The following CDC14B variants were observed in gnomAD, a reference collection of about 807,000 sequenced individuals.
CDC14B encodes cell division cycle 14B.
CDC14B carries 22 observed loss-of-function variants against 64.2 expected under a neutral mutation model. That is an observed-to-expected ratio of 0.34 (90% confidence interval 0.24 to 0.49). The LOEUF is 0.49. Among genes scored for constraint, CDC14B ranks in the 20% least tolerant of loss-of-function variants. The pLI, the probability that CDC14B is intolerant of heterozygous loss-of-function variation, is 0.99. For synonymous variants in CDC14B, 191 were observed against 215.8 expected, an observed-to-expected ratio of 0.89 and a Z score of 1.01; for missense variants, 498 against 629.9, an observed-to-expected ratio of 0.79 and a Z score of 2.24.
chr9:96,540,361 G>A (rs1030073649), intron 6 of CDC14B, among the ~76,000 whole-genome samples: 16 of 152,152 alleles, frequency 1.1e-4, no homozygotes, highest in African/African-American at 2.9e-4. Context: ...GGCTGGGTGC[G>A]GTGGTGCACG....
At chr9:96,592,617 T>C (rs986466199) in intron 1 of CDC14B, among the ~76,000 whole-genome samples, 2 of 151,870 alleles carry the variant, frequency 1.3e-5, no homozygotes, top group Non-Finnish European at 2.9e-5. Context: ...CTACTAAAAA[T>C]AGAAAAATTA....
chr9:96,566,742 G>A lies in CDC14B; in HGVS notation c.161-1259C>T, dbSNP rs755181201. The A allele has an allele frequency of 7.5e-6, 12 of 1,596,988 alleles. No individual in the cohort carries two copies. In the African/African-American group the frequency reaches 9.4e-5, roughly 13 times the overall value. The stretch of plus-strand genomic sequence containing the variant: ...CCAGCGCGGGTGCCGGAGCCCCCAG[G>A]GGAAGCCCCCGCCCTCCCGGCTCAC... On this transcript the variant is annotated intron_variant, in intron 1 of 13. Coordinates refer to ENST00000375241, the MANE Select transcript of CDC14B (RefSeq NM_033331.4).
chr9:96,574,697 C>CAAAAAAAAAAAAAAAAAAAAAA lies in CDC14B; in HGVS notation c.161-9236_161-9215dup, dbSNP rs57056796. 1.0e-4 allele frequency among the ~76,000 whole-genome samples: 5 copies of CAAAAAAAAAAAAAAAAAAAAAA among 49,962 alleles called. 1 individual carries two copies. Among genetic ancestry groups the CAAAAAAAAAAAAAAAAAAAAAA allele is most frequent in the African/African-American group, 3.4e-4 (4 of 11,930 alleles). The allele number at this position is 49,962 out of a possible 152,430, so 32.8% of individuals were successfully genotyped here. A position where few individuals can be genotyped will look rare whatever the true frequency, so the allele number is the denominator to read the frequency against. ...GCAACAAGAGCGAAACTCGGTCTCA[C>CAAAAAAAAAAAAAAAAAAAAAA]AAAAAAAAAAAAAAAAAAAAAAGAT... On this transcript the variant is annotated intron_variant, in intron 1 of 13. Transcript: ENST00000375241.
At chr9:96,523,532 T>A in intron 10 of CDC14B, 55 bp downstream of exon 10, 1 of 1,609,264 alleles carries the variant, frequency 6.2e-7, no homozygotes, top group Non-Finnish European at 8.5e-7. Context: ...CCACTCCCCA[T>A]CAGATTCCAA....
Position 96,500,228 on chromosome 9 carries a change from T to C in CDC14B, c.*3525A>G, listed in dbSNP as rs1170432602. 4 of 152,668 alleles carry C rather than the reference T, an allele frequency of 2.6e-5. No homozygotes were observed. The highest frequency in any genetic ancestry group is 9.6e-5 in the African/African-American group (4 of 41,454). The allele number at this position is 152,668 out of a possible 1,614,324, so 9.5% of individuals were successfully genotyped here. A position where few individuals can be genotyped will look rare whatever the true frequency, so the allele number is the denominator to read the frequency against. Reference sequence around the variant, plus strand: ...TCAAATGTGACAATATGTATCAAACTACATACATATGCAAAGTTTACACGC... The same window carrying C: ...TCAAATGTGACAATATGTATCAAACCACATACATATGCAAAGTTTACACGC... On this transcript the variant is annotated 3_prime_UTR_variant, in exon 14 of 14. Transcript: ENST00000375241.
At chr9:96,576,534 G>A (rs1305675661) in intron 1 of CDC14B, among the ~76,000 whole-genome samples, 2 of 149,636 alleles carry the variant, frequency 1.3e-5, no homozygotes, top group Non-Finnish European at 3.0e-5. Flanking sequence ...TCAGGAAGCT[G>A]AGGCAGGAGA....
chr9:96,590,252 C>T (rs1173545269), intron 1 of CDC14B, among the ~76,000 whole-genome samples: 1 of 152,166 alleles, frequency 6.6e-6, no homozygotes, highest in East Asian at 1.9e-4. Context: ...TTTGTCTTTT[C>T]GTGACAAGCT....
rs1198651656 is a variant in CDC14B, at chr9:96,513,948, G to A, written c.1344-4159C>T. On this transcript the variant is annotated intron_variant, in intron 12 of 13. Transcript: ENST00000375241. ...AGGTGGGTGGTGATGACAGAGGATG[G>A]TGGAGCTCAGGAGTCACCACCTTAC... is the stretch of plus-strand genomic sequence containing the variant. 2.0e-5 allele frequency among the ~76,000 whole-genome samples: 3 copies of A among 152,224 alleles called. No individual in the cohort carries two copies. The East Asian group carries it at 5.8e-4, about 29-fold the overall frequency.
intron 1 of CDC14B, among the ~76,000 whole-genome samples, chr9:96,590,869 G>A (rs1363242382): frequency 6.6e-6 from 1 of 152,040 alleles, no homozygotes; most frequent in Non-Finnish European, 1.5e-5. Context: ...CTCTGGCTGT[G>A]GAGCAGTTTT....
chr9:96,612,874 C>T (rs185091005), intron 1 of CDC14B, among the ~76,000 whole-genome samples: 38 of 152,224 alleles, frequency 2.5e-4, no homozygotes, highest in African/African-American at 8.4e-4. Context: ...ATAAAATATC[C>T]GGAAAACTGG....
intron 1 of CDC14B, 92 bp downstream of exon 1, chr9:96,619,127 G>C (rs976260952): frequency 3.3e-5 from 35 of 1,065,564 alleles, no homozygotes; most frequent in Non-Finnish European, 4.1e-5. Context: ...GCCCGGCCCC[G>C]GAGGCCCCGG....
chr9:96,524,905 A>T (rs1022349424), intron 9 of CDC14B, among the ~76,000 whole-genome samples: 1 of 152,194 alleles, frequency 6.6e-6, no homozygotes, highest in African/African-American at 2.4e-5. Context: ...ACAGATTTGG[A>T]TCATGAGATA....
Position 96,551,809 on chromosome 9 carries a change from AG to A in CDC14B, c.483del (p.Tyr162IlefsTer25). ...AYRILIFGET[S>X]YIPFRDAAYG... ...TCTTATATTTACCTGAAAGGAATAT[AG>A]GATGTCTCTCCAAAGATTAATATTC... On this transcript the variant is annotated frameshift_variant, in exon 5 of 14. Coordinates refer to ENST00000375241, the MANE Select transcript of CDC14B (RefSeq NM_033331.4). The A allele has an allele frequency of 6.2e-7, 1 of 1,610,852 alleles. No homozygotes were observed. Among genetic ancestry groups the A allele is most frequent in the Non-Finnish European group, 8.5e-7 (1 of 1,178,060 alleles).
At position 96,568,646 on chromosome 9, in the gene CDC14B, C is replaced by A. The variant is rs541427973; in HGVS notation, c.161-3163G>T. On this transcript the variant is annotated intron_variant, in intron 1 of 13. Coordinates refer to ENST00000375241, the MANE Select transcript of CDC14B (RefSeq NM_033331.4). ...AAAACTGAAAACTAGACAGACGTGG[C>A]GGCTCATGCCTGTAATCACAGCATT... Among the ~76,000 whole-genome samples the A allele has an allele frequency of 2.0e-5, 3 of 152,030 alleles. No individual in the cohort carries two copies. The South Asian group carries it at 6.2e-4, about 32-fold the overall frequency.
intron 1 of CDC14B, chr9:96,566,966 C>G: frequency 1.4e-6 from 2 of 1,463,362 alleles, no homozygotes; most frequent in Middle Eastern, 2.4e-4. Context: ...GGCGGCCCAA[C>G]GGCCTGACAC....
At chr9:96,600,528 G>T (rs1297557746) in intron 1 of CDC14B, among the ~76,000 whole-genome samples, 2 of 151,268 alleles carry the variant, frequency 1.3e-5, no homozygotes, top group African/African-American at 4.9e-5. Flanking sequence ...TTTGAGATGG[G>T]GTCTAACTCT....
rs1034824125 is a variant in CDC14B at position 96,561,476 on chromosome 9, A to C, written c.420+1217T>G. On this transcript the variant is annotated intron_variant, in intron 4 of 13. Transcript: ENST00000375241. ...AGAAAGAACCTAAAGAGCTCCAAAA[A>C]CAACCCTGTTTTTCTTTTTTGAGAC... Among the ~76,000 whole-genome samples the C allele has an allele frequency of 2.0e-5, 3 of 151,862 alleles. No individual in the cohort carries two copies. The East Asian group carries it at 5.8e-4, about 30-fold the overall frequency.
intron 1 of CDC14B, among the ~76,000 whole-genome samples, chr9:96,573,765 T>C (rs1844620933): frequency 6.6e-6 from 1 of 152,180 alleles, no homozygotes; most frequent in East Asian, 1.9e-4. Context: ...ACATGTTACA[T>C]GTAATAAATT....
At chr9:96,491,715 C>T (rs1833100053) in exon 14 of CDC14B, 2 of 152,160 alleles carry the variant, frequency 1.3e-5, no homozygotes, top group South Asian at 4.1e-4. Flanking sequence ...GTGAATAATA[C>T]TTGAAAAGCC....
Sources: gnomAD v4.1 joint callset for allele counts (sites outside exome capture counted in the v4.1 genomes callset) on GRCh38, gnomAD v4.1.1 for gene constraint, MANE v1.5 for transcripts, NCBI Gene and HGNC (gene_info 2026-07-23, HGNC 2026-07-21) for gene names.